The following TENM4 variants were observed in gnomAD, a reference collection of about 807,000 sequenced individuals.
The protein encoded by TENM4 is teneurin transmembrane protein 4, also known as teneurin-4.
A neutral mutation model predicts 243.3 loss-of-function variants in TENM4; 82 were observed. The observed-to-expected ratio is 0.34, with a 90% confidence interval of 0.28 to 0.40. The LOEUF (loss-of-function observed/expected upper bound fraction) is 0.40, where lower values mean the gene tolerates loss of function less well. TENM4 is among the 10% of genes least tolerant of loss of function. The pLI is 1.00. For synonymous variants in TENM4, 1,412 were observed against 1,456.3 expected (o/e 0.97, Z 0.69); for missense variants, 3,138 against 3,673.3 (o/e 0.85, Z 3.77).
chr11:78,866,458 T>TAAAAA lies in TENM4; in HGVS notation c.1085-3331_1085-3327dup, dbSNP rs5792824. ...AACAAGATGCAAATAAGTCCTTGCT[T>TAAAAA]AAAAAAAAAAAAAAAAAAAGATACG... On this transcript the variant is annotated intron_variant, in intron 9 of 33. Coordinates refer to ENST00000278550, the MANE Select transcript of TENM4 (RefSeq NM_001098816.3). 8.0e-3 allele frequency among the ~76,000 whole-genome samples: 1,045 copies of TAAAAA among 130,538 alleles called. 24 individuals carry two copies. In the South Asian group the frequency reaches 0.084, roughly 10 times the overall value. The allele number at this position is 130,538 out of a possible 152,430, so 85.6% of individuals were successfully genotyped here.
intron 7 of TENM4, among the ~76,000 whole-genome samples, chr11:78,894,371 A>C (rs550138580): frequency 1.3e-5 from 2 of 152,356 alleles, no homozygotes; most frequent in Middle Eastern, 3.4e-3. Flanking sequence ...AAATAAACAA[A>C]AAAATACATT....
intron 2 of TENM4, among the ~76,000 whole-genome samples, chr11:79,285,241 A>C (rs990733370): frequency 2.2e-5 from 3 of 136,634 alleles, no homozygotes; most frequent in African/African-American, 5.2e-5. Flanking sequence ...AGTTTCAAAA[A>C]AATAAATAAA....
chr11:79,392,628 G>A (rs975961341), intron 1 of TENM4, among the ~76,000 whole-genome samples: 5 of 152,312 alleles, frequency 3.3e-5, no homozygotes, highest in African/African-American at 4.8e-5. Flanking sequence ...GTCCTGCATC[G>A]CTGTGACACA....
chr11:78,724,174 T>G lies in TENM4; in HGVS notation c.3551-1257A>C, dbSNP rs1855463065. Among the ~76,000 whole-genome samples, 7 of 152,178 alleles carry G rather than the reference T, an allele frequency of 4.6e-5. 1 individual carries two copies. The South Asian group carries it at 1.5e-3, about 32-fold the overall frequency. On this transcript the variant is annotated intron_variant, in intron 23 of 33. Coordinates refer to ENST00000278550, the MANE Select transcript of TENM4 (RefSeq NM_001098816.3). ...TCTTGACTTAACTGTAGCCTTGAAC[T>G]CCTGAGCTCAAGTGATCCTCCCACC...
chr11:78,768,185 G>T (rs767700030), intron 18 of TENM4, among the ~76,000 whole-genome samples: 1 of 152,222 alleles, frequency 6.6e-6, no homozygotes, highest in Non-Finnish European at 1.5e-5. Flanking sequence ...GGGGTCCTCA[G>T]CACCTTCCCC....
intron 14 of TENM4, among the ~76,000 whole-genome samples, chr11:78,809,833 G>A (rs147679508): frequency 9.3e-4 from 142 of 152,322 alleles, no homozygotes; most frequent in African/African-American, 3.2e-3. Flanking sequence ...GATGAGGCCT[G>A]CATGACCAGG....
intron 15 of TENM4, among the ~76,000 whole-genome samples, chr11:78,793,102 G>A (rs1472261017): frequency 1.3e-5 from 2 of 152,114 alleles, no homozygotes; most frequent in Non-Finnish European, 2.9e-5. Flanking sequence ...GGGACCTATC[G>A]CTGCTACGTT....
At chr11:78,773,966 A>C (rs1156822248) in intron 17 of TENM4, among the ~76,000 whole-genome samples, 1 of 152,236 alleles carries the variant, frequency 6.6e-6, no homozygotes, top group Non-Finnish European at 1.5e-5. Context: ...TTTTTAGTAA[A>C]AGCCATGTGT....
intron 1 of TENM4, among the ~76,000 whole-genome samples, chr11:79,426,184 A>G (rs2135598909): frequency 6.6e-6 from 1 of 152,350 alleles, no homozygotes; most frequent in East Asian, 1.9e-4. Context: ...TCTTCTATTA[A>G]AAATGTTAGC....
intron 4 of TENM4, among the ~76,000 whole-genome samples, chr11:79,124,894 T>TGTGTGC (rs1491148302): frequency 3.2e-4 from 9 of 27,884 alleles, no homozygotes; most frequent in African/African-American, 1.7e-3. Context: ...TATATGTATA[T>TGTGTGC]GTGTGTGTGT....
Position 79,344,052 on chromosome 11 carries a change from C to T in TENM4, c.-320-46509G>A, listed in dbSNP as rs540088445. 1.2e-4 allele frequency among the ~76,000 whole-genome samples: 19 copies of T among 152,338 alleles called. No individual in the cohort carries two copies. In the South Asian group the frequency reaches 3.7e-3, roughly 30 times the overall value. On this transcript the variant is annotated intron_variant, in intron 1 of 33. Coordinates refer to ENST00000278550, the MANE Select transcript of TENM4 (RefSeq NM_001098816.3). ...TTTCTCCCTATTTTAAAGCATTCTCCTATCAATGAAGCATCCCAGATCACA... is the reference window on the plus strand; with the variant it reads ...TTTCTCCCTATTTTAAAGCATTCTCTTATCAATGAAGCATCCCAGATCACA...
rs963669603 is a variant in TENM4 at position 78,722,189 on chromosome 11, A to G, written c.3800+479T>C. On this transcript the variant is annotated intron_variant, in intron 24 of 33. Transcript: ENST00000278550. ...CCACACCCAGCTAATTTTTTAAATT[A>G]TTTTTTTGCAGATGGGGGTCTCATC... Among the ~76,000 whole-genome samples, 4 of 152,082 alleles carry G rather than the reference A, an allele frequency of 2.6e-5. No homozygotes were observed. The East Asian group carries it at 7.7e-4, about 29-fold the overall frequency.
rs183776911 is a variant in TENM4, at chr11:78,756,813, A to C, written c.2748T>G (p.Phe916Leu). The C allele has an allele frequency of 6.0e-5, 97 of 1,613,220 alleles. 1 individual carries two copies. The African/African-American group carries it at 1.1e-3, about 18-fold the overall frequency. Residue 916 changes from phenylalanine (F) to leucine (L), a missense_variant, in exon 19 of 34, where the codon TTT becomes TTG. By Grantham distance (22) the Phe-to-Leu change is conservative. Coordinates refer to ENST00000278550, the MANE Select transcript of TENM4 (RefSeq NM_001098816.3). ...STHIIPGENP[F>L]DGGHACVIRG... ...GGGGCCCTCGGACTCACCCTCCATC[A>C]AAGGGGTTCTCCCCGGGGATTATGT...
At chr11:79,188,801 G>T (rs2135156877) in intron 3 of TENM4, among the ~76,000 whole-genome samples, 1 of 152,228 alleles carries the variant, frequency 6.6e-6, no homozygotes, top group Middle Eastern at 3.4e-3. Flanking sequence ...CAAGGATAGG[G>T]TGTGGTGATT....
At chr11:79,421,631 G>A (rs1271498676) in intron 1 of TENM4, among the ~76,000 whole-genome samples, 4 of 151,760 alleles carry the variant, frequency 2.6e-5, no homozygotes, top group African/African-American at 9.7e-5. Flanking sequence ...GAGTCATCTC[G>A]AGGTCACCAA....
chr11:79,139,798 AAT>A (rs1428999844), intron 4 of TENM4, among the ~76,000 whole-genome samples: 25 of 93,050 alleles, frequency 2.7e-4, no homozygotes, highest in Non-Finnish European at 5.1e-4. Context: ...TATTTATATA[AAT>A]ATATAATATA....
chr11:78,935,872 C>A (rs1457927485), intron 6 of TENM4, among the ~76,000 whole-genome samples: 1 of 152,168 alleles, frequency 6.6e-6, no homozygotes, highest in Non-Finnish European at 1.5e-5. Context: ...GTTTTGCAAC[C>A]GTTGAATGGA....
intron 2 of TENM4, among the ~76,000 whole-genome samples, chr11:79,258,990 G>T (rs1855746746): frequency 6.6e-6 from 1 of 152,174 alleles, no homozygotes; most frequent in African/African-American, 2.4e-5. Flanking sequence ...CATTCTTCTG[G>T]TTCATTCCAA....
intron 2 of TENM4, among the ~76,000 whole-genome samples, chr11:79,222,311 G>A (rs756394769): frequency 1.3e-5 from 2 of 152,140 alleles, no homozygotes; most frequent in Non-Finnish European, 2.9e-5. Flanking sequence ...AGCTCCATCC[G>A]TGTTCCTGAA....
Sources: gnomAD v4.1 joint callset for allele counts (sites outside exome capture counted in the v4.1 genomes callset) on GRCh38, gnomAD v4.1.1 for gene constraint, MANE v1.5 for transcripts, NCBI Gene and HGNC (gene_info 2026-07-23, HGNC 2026-07-21) for gene names.